The following NUP205 variants were observed in gnomAD, a reference collection of about 807,000 sequenced individuals.
The protein encoded by NUP205 is nuclear pore complex protein Nup205.
Under a neutral mutation model 253.8 loss-of-function variants are expected in NUP205, and 76 were observed. That is an observed-to-expected ratio of 0.30 (90% CI 0.25 to 0.36). The LOEUF (loss-of-function observed/expected upper bound fraction) is 0.36, where lower values mean the gene tolerates loss of function less well. Among genes scored for constraint, NUP205 ranks in the 10% least tolerant of loss-of-function variants. The pLI is 1.00. For missense variants in NUP205, 2,162 were observed against 2,425.5 expected (o/e 0.89, Z 2.28); for synonymous variants, 832 against 850.1 (o/e 0.98, Z 0.37).
chr7:135,582,011 C>G (rs1806318733), intron 7 of NUP205, among the ~76,000 whole-genome samples: 3 of 152,062 alleles, frequency 2.0e-5, no homozygotes, highest in Admixed American at 6.6e-5. Flanking sequence ...TTTGGCTGGG[C>G]ATAGTGGCTC....
At chr7:135,616,618 T>C in intron 24 of NUP205, 37 bp from the exon 25 acceptor site, 2 of 1,244,430 alleles carry the variant, frequency 1.6e-6, no homozygotes, top group South Asian at 1.4e-5. Context: ...GAGTATGTTC[T>C]TCTTTTTCTG....
At chr7:135,627,120 C>G (rs900074659) in intron 33 of NUP205, among the ~76,000 whole-genome samples, 76 of 152,252 alleles carry the variant, frequency 5.0e-4, no homozygotes, top group African/African-American at 1.7e-3. Flanking sequence ...TCATGGCATG[C>G]TATTATCACT....
intron 22 of NUP205, among the ~76,000 whole-genome samples, chr7:135,608,222 C>G (rs1326606997): frequency 6.6e-6 from 1 of 151,982 alleles, no homozygotes; most frequent in Non-Finnish European, 1.5e-5. Context: ...GACAGGGTTT[C>G]ATCATGTTGG....
At chr7:135,591,023 A>T (rs1387233423) in intron 10 of NUP205, among the ~76,000 whole-genome samples, 4 of 152,188 alleles carry the variant, frequency 2.6e-5, no homozygotes, top group Admixed American at 2.0e-4. Context: ...CATTGGTTTG[A>T]CCACAGAACA....
chr7:135,571,302 G>A lies in NUP205; in HGVS notation c.171+55G>A, dbSNP rs1322835496. On this transcript the variant is annotated intron_variant, in intron 2 of 42. Coordinates refer to ENST00000285968, the MANE Select transcript of NUP205 (RefSeq NM_015135.3). ...GGATTTTTTTTTTTTTAAGATCGAG[G>A]AAGGAAGTAAACTCTTTTCTTTTTT... 3.4e-6 allele frequency: 4 copies of A among 1,170,052 alleles called. No homozygotes were observed. The African/African-American group carries it at 4.9e-5, about 14-fold the overall frequency. The allele number at this position is 1,170,052 out of a possible 1,614,324, so 72.5% of individuals were successfully genotyped here. A position where few individuals can be genotyped will look rare whatever the true frequency, so the allele number is the denominator to read the frequency against.
rs767435356 is a variant in NUP205, at chr7:135,588,453, T to A, written c.1473+461T>A. On this transcript the variant is annotated intron_variant, in intron 10 of 42. Transcript: ENST00000285968. Reference sequence around the variant, plus strand: ...ACTGTGCCTAGCCTACTTTTCTCTTTTATAAAAGAAAATTTGAAACTCTTA... The same window carrying A: ...ACTGTGCCTAGCCTACTTTTCTCTTATATAAAAGAAAATTTGAAACTCTTA... Among the ~76,000 whole-genome samples, 32 of 151,042 alleles carry A rather than the reference T, an allele frequency of 2.1e-4. 1 individual carries two copies. The highest frequency in any genetic ancestry group is 4.0e-4 in the Non-Finnish European group (27 of 67,722).
chr7:135,646,391 C>T (rs1341781915), intron 42 of NUP205, among the ~76,000 whole-genome samples, 160 bp downstream of exon 42: 1 of 151,546 alleles, frequency 6.6e-6, no homozygotes, highest in Admixed American at 6.6e-5. Context: ...AGTGAGACCC[C>T]GTCTCTTAAA....
chr7:135,631,987 T>C (rs1333549097), intron 35 of NUP205, among the ~76,000 whole-genome samples: 5 of 152,224 alleles, frequency 3.3e-5, no homozygotes, highest in Admixed American at 2.0e-4. Context: ...CCTTGTAATC[T>C]GCCCGCCTCG....
intron 19 of NUP205, among the ~76,000 whole-genome samples, chr7:135,605,626 G>C (rs1204681684): frequency 3.3e-5 from 5 of 152,306 alleles, no homozygotes; most frequent in South Asian, 2.1e-4. Context: ...ATCAGGGGAT[G>C]CTGAAGGTTT....
Position 135,573,696 on chromosome 7 carries a change from A to T in NUP205, c.214A>T (p.Thr72Ser). The T allele has an allele frequency of 6.2e-7, 1 of 1,614,080 alleles. No individual in the cohort carries two copies. ...GCATGAGAAGGTTCAGAAAGCCAGT[A>T]CAGAGGGAGTCGCCATTCAGGGTCA... The part of the protein sequence containing the change: ...QQHEKVQKAS[T>S]EGVAIQGQQG... The change falls in exon 3 of 43, where the codon ACA (threonine) becomes TCA (serine). Residue 72 changes from threonine (T) to serine (S), a missense_variant. By Grantham distance (58) the Thr-to-Ser change is moderately conservative (BLOSUM62 1). Around this residue, in one of 5 missense-constraint regions of NUP205, gnomAD observed 109 missense variants for 131.8 expected, o/e 0.83. Coordinates refer to ENST00000285968, the MANE Select transcript of NUP205 (RefSeq NM_015135.3).
intron 5 of NUP205, 76 bp downstream of exon 5, chr7:135,577,204 A>T: frequency 7.2e-7 from 1 of 1,396,164 alleles, no homozygotes; most frequent in Non-Finnish European, 9.8e-7. Flanking sequence ...TAGAATGTTC[A>T]TTTTTTCAAG....
chr7:135,562,784 T>C (rs1805625860), intron 1 of NUP205, among the ~76,000 whole-genome samples: 1 of 152,156 alleles, frequency 6.6e-6, no homozygotes, highest in South Asian at 2.1e-4. Context: ...TGACCTCGTA[T>C]CTGCCCGCCT....
rs1197650051 is a variant in NUP205, at chr7:135,626,287, G to A, written c.4719G>A (p.Leu1573=). The A allele has an allele frequency of 1.2e-6, 2 of 1,614,168 alleles. No homozygotes were observed. Among genetic ancestry groups the A allele is most frequent in the Non-Finnish European group, 8.5e-7 (1 of 1,180,010 alleles). ...VAKIQQGALE[L]LRSGVIVRLA... ...AGATACAGCAGGGTGCATTAGAGCTGCTAAGATCAGGGGTGATTGTGAGAC... is the reference window on the plus strand; with the variant it reads ...AGATACAGCAGGGTGCATTAGAGCTACTAAGATCAGGGGTGATTGTGAGAC... Residue 1573 remains leucine, a synonymous_variant, in exon 33 of 43, where the codon CTG becomes CTA. Transcript: ENST00000285968.
chr7:135,604,531 G>A, intron 19 of NUP205, 71 bp downstream of exon 19: 3 of 1,367,656 alleles, frequency 2.2e-6, no homozygotes, highest in East Asian at 4.7e-5. Flanking sequence ...AAGTTCTAGT[G>A]TCTATGGAGG....
chr7:135,587,647 C>T lies in NUP205; in HGVS notation c.1291C>T (p.Pro431Ser). The change falls in exon 9 of 43, where the codon CCC becomes TCC. Residue 431 changes from proline (P) to serine (S), a missense_variant. Physicochemically the swap from Pro to Ser is moderately conservative, Grantham distance 74. Around this residue, in one of 5 missense-constraint regions of NUP205, gnomAD observed 892 missense variants for 957.1 expected, o/e 0.93. Transcript: ENST00000285968. The part of the protein sequence containing the change: ...IHMSMQMGNE[P>S]PISLRRDLEH... ...CATGAGTATGCAGATGGGTAATGAA[C>T]CCCCCATTTCACTTAGAAGGGACCT... 14 of 1,609,934 alleles carry T rather than the reference C, an allele frequency of 8.7e-6. No individual in the cohort carries two copies. Among genetic ancestry groups the T allele is most frequent in the Non-Finnish European group, 1.2e-5 (14 of 1,177,766 alleles).
At chr7:135,563,129 GCTACCTCT>G (rs889986481) in intron 1 of NUP205, among the ~76,000 whole-genome samples, 1 of 151,956 alleles carries the variant, frequency 6.6e-6, no homozygotes, top group Non-Finnish European at 1.5e-5. Flanking sequence ...TCTTGCCCTG[GCTACCTCT>G]CCTTCATATC....
chr7:135,606,778 C>T lies in NUP205; in HGVS notation c.2933C>T (p.Ala978Val), dbSNP rs140772825. 7.8e-5 allele frequency: 126 copies of T among 1,613,724 alleles called. No homozygotes were observed. The African/African-American group carries it at 1.5e-3, about 19-fold the overall frequency. Reference protein sequence around the residue: ...EGSELEKKLVAIRHETRIHIL... With the variant: ...EGSELEKKLVVIRHETRIHIL... Reference sequence around the variant, plus strand: ...TCAGAACTTGAAAAGAAATTAGTTGCAATTCGTCATGAAACAAGAATCCAC... The same window carrying T: ...TCAGAACTTGAAAAGAAATTAGTTGTAATTCGTCATGAAACAAGAATCCAC... Residue 978 changes from alanine (A) to valine (V), a missense_variant, in exon 21 of 43, where the codon GCA becomes GTA. Transcript: ENST00000285968.
intron 16 of NUP205, 80 bp from the exon 17 acceptor site, chr7:135,601,290 T>G: frequency 7.8e-7 from 1 of 1,274,310 alleles, no homozygotes; most frequent in Non-Finnish European, 1.1e-6. Context: ...AATTTACAAG[T>G]CTCATACATT....
At chr7:135,570,830 ATT>A (rs1805971448) in intron 1 of NUP205, among the ~76,000 whole-genome samples, 1 of 27,050 alleles carries the variant, frequency 3.7e-5, no homozygotes, top group Non-Finnish European at 8.2e-5. Flanking sequence ...TAATATATAA[ATT>A]ATATATTATA....
Sources: gnomAD v4.1 joint callset for allele counts (sites outside exome capture counted in the v4.1 genomes callset) on GRCh38, gnomAD v4.1.1 for gene constraint, gnomAD v4.1.1 regional missense constraint, MANE v1.5 for transcripts, NCBI Gene and HGNC (gene_info 2026-07-23, HGNC 2026-07-21) for gene names.